Variants in CDH2 observed in about 807,000 individuals in gnomAD.
CDH2 encodes the protein cadherin 2.
In CDH2, 17 loss-of-function variants were observed where a neutral mutation model predicts 92.0. That is an observed-to-expected ratio of 0.18 (90% confidence interval 0.13 to 0.28). The LOEUF is 0.28. Ranked by LOEUF, CDH2 falls within the 10% of genes least tolerant of loss-of-function variation. The pLI, the probability that CDH2 is intolerant of heterozygous loss-of-function variation, is 1.00. For missense variants in CDH2, 862 were observed against 1,133.1 expected (o/e 0.76, Z 3.44); for synonymous variants, 419 against 415.9 (o/e 1.01, Z -0.09).
chr18:28,129,653 T>A (rs1210463215), intron 2 of CDH2, among the ~76,000 whole-genome samples: 1 of 152,138 alleles, frequency 6.6e-6, no homozygotes, highest in Admixed American at 6.6e-5. Flanking sequence ...CATAGTGAGC[T>A]TCTGTCTCTA....
chr18:27,983,025 T>A lies in CDH2; in HGVS notation c.2268A>T (p.Lys756Asn), dbSNP rs747621903. ...MKRRDKERQA[K>N]QLLIDPEDDV... is the part of the protein sequence containing the mutation. The stretch of plus-strand genomic sequence containing the variant: ...CATCTTCTGGATCAATTAAAAGTTG[T>A]TTGGCCTGGCGTTCTTTATCCCGGC... The change falls in exon 14 of 16, where the codon AAA (lysine) becomes AAT (asparagine). Residue 756 changes from lysine (K) to asparagine (N), a missense_variant. By Grantham distance (94) the Lys-to-Asn change is moderately conservative. Coordinates refer to ENST00000269141, the MANE Select transcript of CDH2 (RefSeq NM_001792.5). 6.2e-7 allele frequency: 1 copy of A among 1,612,828 alleles called. No individual in the cohort carries two copies. Among genetic ancestry groups the A allele is most frequent in the South Asian group, 1.1e-5 (1 of 90,990 alleles).
intron 2 of CDH2, among the ~76,000 whole-genome samples, chr18:28,103,364 C>A: frequency 7.2e-6 from 1 of 139,372 alleles, no homozygotes; most frequent in Non-Finnish European, 1.5e-5. Flanking sequence ...ATATAAAATA[C>A]ATATAAAGGA....
At chr18:27,999,265 G>A (rs1300919422) in intron 7 of CDH2, among the ~76,000 whole-genome samples, 2 of 152,120 alleles carry the variant, frequency 1.3e-5, no homozygotes, top group African/African-American at 4.8e-5. Flanking sequence ...AGGTTAAGGA[G>A]GGTTTTGGGG....
At chr18:28,167,357 G>A (rs903341780) in intron 1 of CDH2, among the ~76,000 whole-genome samples, 3 of 152,016 alleles carry the variant, frequency 2.0e-5, no homozygotes, top group East Asian at 1.9e-4. Context: ...ATAAATGTGC[G>A]AGTGGCCTTT....
chr18:28,127,513 G>C (rs1568008711), intron 2 of CDH2, among the ~76,000 whole-genome samples: 1 of 142,014 alleles, frequency 7.0e-6, no homozygotes, highest in Non-Finnish European at 1.6e-5. Context: ...AATTTTCCTA[G>C]GCAAAAATAC....
At chr18:27,957,133 C>CCCATCCATCCAT (rs6146242) in intron 15 of CDH2, among the ~76,000 whole-genome samples, 96,762 of 151,352 alleles carry the variant, frequency 0.64, 32,129 homozygotes, top group Non-Finnish European at 0.74. Context: ...ATCCATCCAT[C>CCCATCCATCCAT]CCATCCATCC....
In CDH2 at chr18:27,990,368, A is replaced by C. The variant is rs2012377893; in HGVS notation, c.1345-18T>G. ...TCGATTGGCTGGAAAATAAAAGGGA[A>C]GCCATATTTTTGCAGGAAATAAGAA... On this transcript the variant is annotated intron_variant, in intron 9 of 15. Transcript: ENST00000269141. The C allele has an allele frequency of 1.3e-6, 2 of 1,599,110 alleles. No individual in the cohort carries two copies. Among genetic ancestry groups the C allele is most frequent in the Non-Finnish European group, 1.7e-6 (2 of 1,171,290 alleles).
intron 15 of CDH2, 149 bp downstream of exon 15, chr18:27,963,208 C>A (rs2011453416): frequency 3.4e-6 from 2 of 586,766 alleles, no homozygotes; most frequent in Non-Finnish European, 2.9e-6. Context: ...AATGAAGCCA[C>A]ATTTGCTTTC....
At chr18:28,051,071 T>C (rs1327948573) in intron 2 of CDH2, among the ~76,000 whole-genome samples, 1 of 152,202 alleles carries the variant, frequency 6.6e-6, no homozygotes, top group Non-Finnish European at 1.5e-5. Context: ...CTAATCCATA[T>C]GCATATTGTA....
chr18:28,007,006 T>C (rs553109656), intron 5 of CDH2, among the ~76,000 whole-genome samples: 1 of 150,936 alleles, frequency 6.6e-6, no homozygotes, highest in Non-Finnish European at 1.5e-5. Context: ...AACCTGTCTC[T>C]ACTAAAAATA....
intron 2 of CDH2, among the ~76,000 whole-genome samples, chr18:28,060,040 GT>G (rs1411692307): frequency 6.1e-5 from 9 of 147,050 alleles, no homozygotes; most frequent in South Asian, 2.2e-4. Flanking sequence ...TCAGACCCTG[GT>G]TTTTTTTTTG....
chr18:28,114,729 A>G (rs2015467654), intron 2 of CDH2, among the ~76,000 whole-genome samples: 1 of 152,080 alleles, frequency 6.6e-6, no homozygotes, highest in Non-Finnish European at 1.5e-5. Flanking sequence ...CTAAGTCATG[A>G]GAGATTTTAG....
chr18:27,963,344 T>G lies in CDH2; in HGVS notation c.2514+13A>C, dbSNP rs199904443. Reference sequence around the variant, plus strand: ...TGAAAACTCTTATAGAGAAAACGAGTGTCTCTCTGTACCTCATTAATGAAG... The same window carrying G: ...TGAAAACTCTTATAGAGAAAACGAGGGTCTCTCTGTACCTCATTAATGAAG... On this transcript the variant is annotated intron_variant, in intron 15 of 15. Coordinates refer to ENST00000269141, the MANE Select transcript of CDH2 (RefSeq NM_001792.5). 55 of 1,612,266 alleles carry G rather than the reference T, an allele frequency of 3.4e-5. No individual in the cohort carries two copies. The highest frequency in any genetic ancestry group is 4.5e-5 in the Non-Finnish European group (53 of 1,178,768).
At chr18:27,991,890 T>A (rs1265046897) in intron 9 of CDH2, among the ~76,000 whole-genome samples, 1 of 152,198 alleles carries the variant, frequency 6.6e-6, no homozygotes. Context: ...AAGAAGTAAA[T>A]CTCTTTACTG....
intron 2 of CDH2, among the ~76,000 whole-genome samples, chr18:28,053,437 A>G (rs1412299363): frequency 6.6e-6 from 1 of 152,208 alleles, no homozygotes; most frequent in Non-Finnish European, 1.5e-5. Flanking sequence ...CACATGTTAA[A>G]TAAAATTTGT....
At chr18:28,103,001 A>G (rs970389242) in intron 2 of CDH2, among the ~76,000 whole-genome samples, 23 of 151,696 alleles carry the variant, frequency 1.5e-4, no homozygotes, top group Non-Finnish European at 2.5e-4. Context: ...AAAGCCTATT[A>G]TTTGCCTATA....
At chr18:28,113,237 T>C (rs1270829595) in intron 2 of CDH2, among the ~76,000 whole-genome samples, 16 of 152,166 alleles carry the variant, frequency 1.1e-4, no homozygotes. Flanking sequence ...TAGCATATTT[T>C]ATTTAACCCA....
At chr18:28,033,707 T>C (rs1198343854) in intron 2 of CDH2, among the ~76,000 whole-genome samples, 1 of 152,124 alleles carries the variant, frequency 6.6e-6, no homozygotes, top group Non-Finnish European at 1.5e-5. Context: ...GATGTGATTA[T>C]AAAGAAATAG....
chr18:28,017,453 G>A (rs768125791), intron 2 of CDH2, among the ~76,000 whole-genome samples: 11 of 152,024 alleles, frequency 7.2e-5, no homozygotes, highest in Non-Finnish European at 1.3e-4. Context: ...GGTATTGGTT[G>A]TAGTATCTCC....
Sources: allele counts gnomAD v4.1 joint callset (sites outside exome capture counted in the v4.1 genomes callset), GRCh38; gene constraint gnomAD v4.1.1; transcripts MANE v1.5; gene names NCBI Gene and HGNC (gene_info 2026-07-23, HGNC 2026-07-21).